DAAM2: variants seen among roughly 807,000 people sequenced by gnomAD.
DAAM2 encodes disheveled-associated activator of morphogenesis 2.
A neutral mutation model predicts 120.7 loss-of-function variants in DAAM2; 39 were observed. The observed-to-expected ratio is 0.32, with a 90% CI of 0.25 to 0.42. The LOEUF (loss-of-function observed/expected upper bound fraction) is 0.42. Among genes scored for constraint, DAAM2 ranks in the 10% least tolerant of loss-of-function variants. The pLI is 1.00. For synonymous variants in DAAM2, 488 were observed against 524.9 expected (o/e 0.93, Z 0.96); for missense variants, 1,283 against 1,401.7 (o/e 0.92, Z 1.35).
Position 39,901,331 on chromosome 6 carries a change from G to A in DAAM2, c.2841G>A (p.Glu947=). 5.6e-6 allele frequency: 9 copies of A among 1,613,992 alleles called. No homozygotes were observed. Among genetic ancestry groups the A allele is most frequent in the Non-Finnish European group, 7.6e-6 (9 of 1,179,864 alleles). Residue 947 remains glutamate, a synonymous_variant, in exon 24 of 25, where the codon GAG becomes GAA. Coordinates refer to ENST00000274867, the MANE Select transcript of DAAM2 (RefSeq NM_001201427.2). The surrounding 1 kb of genome is among the most constrained non-coding windows in gnomAD (Gnocchi z 4.5). ...CCAAGGCCTTGATGCACTTCGGGGA[G>A]CATGACAGCAAGATGCAGCCAGACG... ...KFAKALMHFG[E]HDSKMQPDEF...
chr6:39,824,782 C>T (rs1762609933), intron 1 of DAAM2, among the ~76,000 whole-genome samples: 1 of 152,208 alleles, frequency 6.6e-6, no homozygotes, highest in Non-Finnish European at 1.5e-5. Flanking sequence ...GGGAAGCCAG[C>T]TCCAGGCAAG....
intron 1 of DAAM2, among the ~76,000 whole-genome samples, chr6:39,841,926 C>T (rs2149254412): frequency 6.6e-6 from 1 of 152,236 alleles, no homozygotes; most frequent in South Asian, 2.1e-4. Flanking sequence ...TGCAAGATGC[C>T]TTTTGTTGAC....
intron 19 of DAAM2, among the ~76,000 whole-genome samples, chr6:39,893,985 C>T (rs1765911991): frequency 1.3e-5 from 2 of 152,118 alleles, no homozygotes; most frequent in African/African-American, 2.4e-5. Context: ...ACAAATTTAC[C>T]AGTTCTTCTA....
intron 1 of DAAM2, chr6:39,820,112 T>C (rs9462570): frequency 0.36 from 50,430 of 142,008 alleles, 9,583 homozygotes; most frequent in African/African-American, 0.55. Context: ...ACTGCACAGG[T>C]GGAGGGAATG....
At chr6:39,891,755 G>C (rs1442554190) in intron 19 of DAAM2, 33 bp downstream of exon 19, 3 of 1,546,704 alleles carry the variant, frequency 1.9e-6, no homozygotes, top group Non-Finnish European at 2.6e-6. Flanking sequence ...GCTTAGAGTG[G>C]AGAGTTATCT....
chr6:39,901,857 G>A lies in DAAM2; in HGVS notation c.3027G>A (p.Lys1009=), dbSNP rs758314642. Residue 1009 remains lysine (K), a synonymous_variant, in exon 25 of 25, where the codon AAG becomes AAA. Transcript: ENST00000274867. This position sits in a 1 kb window ranked among gnomAD's most constrained non-coding sequence, Gnocchi z 4.5. ...GTGAGCGGTGGCAGCGGCAGCGGAA[G>A]GTCCTGGCTGCAGGCAGCTCGCTGG... ...RERERWQRQR[K]VLAAGSSLEE... The A allele has an allele frequency of 1.8e-5, 29 of 1,576,058 alleles. No individual in the cohort carries two copies. Among genetic ancestry groups the A allele is most frequent in the African/African-American group, 1.4e-5 (1 of 73,720 alleles).
rs946395110 is a variant in DAAM2, at chr6:39,878,544, C to G, written c.1501C>G (p.Arg501Gly). The G allele has an allele frequency of 6.2e-7, 1 of 1,609,726 alleles. No individual in the cohort carries two copies. The highest frequency in any genetic ancestry group is 2.2e-5 in the East Asian group (1 of 44,672). Reference protein sequence around the residue: ...ARESQELRQARGQVAELVAQL... With the variant: ...ARESQELRQAGGQVAELVAQL... ...GGAGTCCCAGGAGCTGCGCCAGGCT[C>G]GGGGACAAGTGGCAGAGCTGGTAGC... The change falls in exon 13 of 25, where the codon CGG becomes GGG. Residue 501 changes from arginine (R) to glycine (G), a missense_variant. Physicochemically the swap from Arg to Gly is moderately radical, Grantham distance 125 (BLOSUM62 -2). Transcript: ENST00000274867. The surrounding 1 kb of genome is among the most constrained non-coding windows in gnomAD (Gnocchi z 5.0).
chr6:39,842,484 T>A (rs573773357), intron 1 of DAAM2, among the ~76,000 whole-genome samples: 1 of 151,856 alleles, frequency 6.6e-6, no homozygotes, highest in Non-Finnish European at 1.5e-5. Context: ...ATATAAAAAA[T>A]TTGCCGGGCG....
chr6:39,793,060 T>G (rs1356376025), intron 1 of DAAM2: 1 of 152,174 alleles, frequency 6.6e-6, no homozygotes, highest in African/African-American at 2.4e-5. Flanking sequence ...GCACCTGCGG[T>G]CGCAAACCAA....
chr6:39,850,964 T>TA (rs1763786947), intron 1 of DAAM2, among the ~76,000 whole-genome samples: 2 of 152,192 alleles, frequency 1.3e-5, no homozygotes, highest in South Asian at 4.1e-4. Context: ...TAAGAATACT[T>TA]ACTTGTGAGT....
chr6:39,812,890 A>C (rs1009073781), intron 1 of DAAM2, among the ~76,000 whole-genome samples: 3 of 152,148 alleles, frequency 2.0e-5, no homozygotes, highest in South Asian at 2.1e-4. Context: ...TTGAAAAGCC[A>C]AGCATTCTTG....
chr6:39,825,683 G>A (rs757427282), intron 1 of DAAM2, among the ~76,000 whole-genome samples: 1 of 152,102 alleles, frequency 6.6e-6, no homozygotes, highest in Non-Finnish European at 1.5e-5. Flanking sequence ...GGGAGTCAAG[G>A]GAGCATAGGT....
intron 1 of DAAM2, among the ~76,000 whole-genome samples, chr6:39,798,186 G>A (rs1326047108): frequency 6.6e-6 from 1 of 152,210 alleles, no homozygotes; most frequent in African/African-American, 2.4e-5. Flanking sequence ...AAGAATATGG[G>A]TTCTAGAATC....
At chr6:39,852,261 C>G (rs1763835645) in intron 1 of DAAM2, among the ~76,000 whole-genome samples, 1 of 152,202 alleles carries the variant, frequency 6.6e-6, no homozygotes, top group Admixed American at 6.5e-5. Context: ...CAATTCTCCT[C>G]CGAGGTGGAA....
intron 1 of DAAM2, among the ~76,000 whole-genome samples, chr6:39,839,948 C>T (rs1562017530): frequency 6.6e-6 from 1 of 152,298 alleles, no homozygotes; most frequent in East Asian, 1.9e-4. Context: ...GGGTCATGGC[C>T]AGGCGCAGTA....
At chr6:39,836,405 G>A (rs1027913689) in intron 1 of DAAM2, among the ~76,000 whole-genome samples, 2 of 152,106 alleles carry the variant, frequency 1.3e-5, no homozygotes, top group African/African-American at 4.8e-5. Flanking sequence ...CACCACCCTG[G>A]GTGCCTTATG....
chr6:39,808,607 G>A (rs915647987), intron 1 of DAAM2, among the ~76,000 whole-genome samples: 1 of 152,240 alleles, frequency 6.6e-6, no homozygotes, highest in African/African-American at 2.4e-5. Flanking sequence ...TTATTGAAGT[G>A]CAGTCGATTC....
At chr6:39,846,555 C>G (rs1297742498) in intron 1 of DAAM2, among the ~76,000 whole-genome samples, 1 of 152,194 alleles carries the variant, frequency 6.6e-6, no homozygotes, top group Non-Finnish European at 1.5e-5. Flanking sequence ...ATTCCCAGCT[C>G]TCATTCTACT....
At chr6:39,824,348 C>T (rs1410882416) in intron 1 of DAAM2, among the ~76,000 whole-genome samples, 2 of 152,308 alleles carry the variant, frequency 1.3e-5, no homozygotes, top group South Asian at 2.1e-4. Context: ...AAATCAGGAT[C>T]TGGTCACCTG....
Sources: allele counts gnomAD v4.1 joint callset (sites outside exome capture counted in the v4.1 genomes callset), GRCh38; gene constraint gnomAD v4.1.1; non-coding constraint Gnocchi (gnomAD v3.1); transcripts MANE v1.5; gene names NCBI Gene and HGNC (gene_info 2026-07-23, HGNC 2026-07-21).